MKRN2OS: variants seen among roughly 807,000 people sequenced by gnomAD.
MKRN2OS encodes MKRN2 opposite strand protein.
MKRN2OS carries 17 observed loss-of-function variants against 18.2 expected under a neutral mutation model. The observed-to-expected ratio is 0.93, with a 90% CI of 0.64 to 1.40. The LOEUF (loss-of-function observed/expected upper bound fraction) is 1.40, where lower values mean the gene tolerates loss of function less well. MKRN2OS is among the 40% of genes most tolerant of loss of function. The pLI, the probability that MKRN2OS is intolerant of heterozygous loss-of-function variation, is 0.00. For synonymous variants in MKRN2OS, 121 were observed against 108.5 expected (o/e 1.12, Z -0.72); for missense variants, 337 against 283.0 (o/e 1.19, Z -1.37).
chr3:12,557,023 G>A (rs568177952), intron 1 of MKRN2OS: 20 of 1,103,574 alleles, frequency 1.8e-5, no homozygotes, highest in East Asian at 3.3e-5. Flanking sequence ...CCACACCGGA[G>A]GGGCGGCGTG....
intron 1 of MKRN2OS, chr3:12,556,986 A>G (rs368360988): frequency 1.4e-5 from 10 of 692,152 alleles, no homozygotes; most frequent in South Asian, 5.3e-5. Context: ...GACGACGGCT[A>G]GGTTACCCGC....
downstream of MKRN2OS, among the ~76,000 whole-genome samples, chr3:12,552,514 C>T (rs2057937033): frequency 1.3e-5 from 2 of 150,178 alleles, no homozygotes; most frequent in South Asian, 2.1e-4. Context: ...CGGGTTCAAG[C>T]GATTCTCCTG....
chr3:12,557,255 G>A (rs2057983799), intron 1 of MKRN2OS: 1 of 1,494,070 alleles, frequency 6.7e-7, no homozygotes. Context: ...GCTGTGGTCC[G>A]GGAACCTGAG....
chr3:12,543,316 G>A, intron 1 of MKRN2OS, 87 bp from the exon 2 acceptor site: 1 of 1,152,834 alleles, frequency 8.7e-7, no homozygotes, highest in East Asian at 2.6e-5. Context: ...GCCGAGCACA[G>A]TGGCTTAGAC....
intron 1 of MKRN2OS, among the ~76,000 whole-genome samples, chr3:12,554,717 A>G (rs2057953997): frequency 6.6e-6 from 1 of 152,102 alleles, no homozygotes. Flanking sequence ...ATCTCCACTG[A>G]TTATGTACGC....
upstream of MKRN2OS, among the ~76,000 whole-genome samples, chr3:12,546,575 ATTT>A (rs1160434615): frequency 2.1e-4 from 20 of 97,092 alleles, no homozygotes; most frequent in African/African-American, 8.4e-4. Flanking sequence ...GGTACATGGG[ATTT>A]TTTTTTTTTT....
At chr3:12,546,575 A>ATTTTT (rs1160434615), upstream of MKRN2OS, among the ~76,000 whole-genome samples, 798 of 97,066 alleles carry the variant, frequency 8.2e-3, 60 homozygotes, top group African/African-American at 0.032. Flanking sequence ...GGTACATGGG[A>ATTTTT]TTTTTTTTTT....
upstream of MKRN2OS, among the ~76,000 whole-genome samples, chr3:12,546,418 T>C (rs2057883675): frequency 6.6e-6 from 1 of 152,092 alleles, no homozygotes; most frequent in Non-Finnish European, 1.5e-5. Flanking sequence ...GTGACTCATC[T>C]GGGTGTTAAT....
At chr3:12,540,602 G>A (rs1699344) in intron 3 of MKRN2OS, among the ~76,000 whole-genome samples, 169 bp from the exon 4 acceptor site, 58,174 of 151,878 alleles carry the variant, frequency 0.38, 12,335 homozygotes, top group African/African-American at 0.56. Flanking sequence ...GGCCGGGTGC[G>A]GTGGCTCACA....
Position 12,540,360 on chromosome 3 carries a change from T to A in MKRN2OS, c.505A>T (p.Arg169Ter), listed in dbSNP as rs2057778377. Reference protein sequence around the residue: ...FINCVLMAEGRQQLDKGEFTE... With the variant: ...FINCVLMAEG ...AATTCACCCTTGTCCAGTTGCTGTC[T>A]ACCTTCTGCCATCAGAACGCAGTTA... The change falls in exon 4 of 4, where the codon AGA becomes TGA. Residue 169 changes from arginine to a stop codon, truncating the protein, a stop_gained. Transcript: ENST00000564146. LOFTEE classifies it low-confidence loss of function (END_TRUNC). The A allele has an allele frequency of 1.3e-6, 2 of 1,536,048 alleles. No individual in the cohort carries two copies. The highest frequency in any genetic ancestry group is 2.0e-5 in the Admixed American group (1 of 50,978).
At chr3:12,541,536 A>G (rs1012188052) in intron 3 of MKRN2OS, among the ~76,000 whole-genome samples, 3 of 151,886 alleles carry the variant, frequency 2.0e-5, no homozygotes, top group Admixed American at 6.6e-5. Flanking sequence ...TGTTTTTTTT[A>G]ATTTTTAAGG....
At chr3:12,541,761 C>T in intron 3 of MKRN2OS, 99 bp downstream of exon 3, 1 of 1,244,974 alleles carries the variant, frequency 8.0e-7, no homozygotes. Flanking sequence ...CAACATGAAG[C>T]TAAGTGCTGC....
intron 1 of MKRN2OS, among the ~76,000 whole-genome samples, chr3:12,558,007 T>C (rs2057997058): frequency 1.3e-5 from 2 of 152,250 alleles, no homozygotes; most frequent in Admixed American, 6.5e-5. Context: ...TGGAGTCTAG[T>C]CCTATTGAAT....
At chr3:12,554,509 T>A (rs988959134) in intron 1 of MKRN2OS, among the ~76,000 whole-genome samples, 16 of 150,086 alleles carry the variant, frequency 1.1e-4, no homozygotes, top group African/African-American at 1.9e-4. Context: ...AATATAAAAA[T>A]ATATATATAT....
chr3:12,550,506 C>A (rs1433405425), downstream of MKRN2OS, among the ~76,000 whole-genome samples: 1 of 152,168 alleles, frequency 6.6e-6, no homozygotes, highest in Non-Finnish European at 1.5e-5. Context: ...TTTGTCAAAA[C>A]CCATAGAGTA....
Position 12,540,253 on chromosome 3 carries a change from G to C in MKRN2OS, c.612C>G (p.Phe204Leu), listed in dbSNP as rs761279085. The part of the protein sequence containing the change: ...TLYRAIREHG[F>L]YVTDCPQQQA... The stretch of plus-strand genomic sequence containing the variant: ...GCTGCTGGGGACAGTCAGTGACGTA[G>C]AAGCCATGCTCCCGTATCGCCCGGT... Residue 204 changes from phenylalanine (F) to leucine (L), a missense_variant, in exon 4 of 4, where the codon TTC becomes TTG. By Grantham distance (22) the Phe-to-Leu change is conservative. Coordinates refer to ENST00000564146, the MANE Select transcript of MKRN2OS (RefSeq NM_001195279.2). The C allele has an allele frequency of 2.5e-5, 38 of 1,536,020 alleles. No individual in the cohort carries two copies. The highest frequency in any genetic ancestry group is 3.1e-5 in the Non-Finnish European group (35 of 1,146,922).
intron 1 of MKRN2OS, among the ~76,000 whole-genome samples, chr3:12,544,973 C>T (rs1298114805): frequency 1.3e-5 from 2 of 152,206 alleles, no homozygotes; most frequent in Non-Finnish European, 2.9e-5. Flanking sequence ...CCTGGTTAGC[C>T]TCTGAGCACA....
intron 1 of MKRN2OS, among the ~76,000 whole-genome samples, chr3:12,559,102 T>C (rs931451076): frequency 6.6e-6 from 1 of 152,162 alleles, no homozygotes; most frequent in Non-Finnish European, 1.5e-5. Flanking sequence ...GAAAGGAAAC[T>C]CATACAAGGA....
chr3:12,549,478 A>C (rs1292048814), upstream of MKRN2OS, among the ~76,000 whole-genome samples: 1 of 147,514 alleles, frequency 6.8e-6, no homozygotes, highest in East Asian at 2.1e-4. Context: ...CCTGACCTCA[A>C]GTGATCCAGC....
Sources: allele counts gnomAD v4.1 joint callset (sites outside exome capture counted in the v4.1 genomes callset), GRCh38; gene constraint gnomAD v4.1.1; transcripts MANE v1.5; gene names NCBI Gene and HGNC (gene_info 2026-07-23, HGNC 2026-07-21).